SCAPER: variants seen among roughly 807,000 people sequenced by gnomAD.
SCAPER encodes S-phase cyclin A associated protein in the ER.
A neutral mutation model predicts 182.2 loss-of-function variants in SCAPER; 98 were observed. That is an observed-to-expected ratio of 0.54 (90% CI 0.46 to 0.64). SCAPER has a LOEUF of 0.64. SCAPER is among the 30% of genes least tolerant of loss of function. The pLI is 0.00. For missense variants in SCAPER, 1,432 were observed against 1,690.0 expected (o/e 0.85, Z 2.68); for synonymous variants, 605 against 564.6 (o/e 1.07, Z -1.01).
intron 2 of SCAPER, among the ~76,000 whole-genome samples, chr15:76,869,490 C>T (rs1816460042): frequency 6.6e-6 from 1 of 151,768 alleles, no homozygotes; most frequent in African/African-American, 2.4e-5. Flanking sequence ...TACAAAATGG[C>T]CAACAGATAT....
At chr15:76,580,932 C>T (rs1346497493) in intron 22 of SCAPER, among the ~76,000 whole-genome samples, 2 of 151,536 alleles carry the variant, frequency 1.3e-5, no homozygotes, top group African/African-American at 4.8e-5. Context: ...AGAAAAGGAC[C>T]CAAACAAATA....
intron 22 of SCAPER, among the ~76,000 whole-genome samples, chr15:76,601,987 A>G (rs939495277): frequency 4.1e-5 from 5 of 121,152 alleles, no homozygotes; most frequent in African/African-American, 1.0e-4. Context: ...CATGAGTTTT[A>G]TATCCTGAGA....
At chr15:76,612,847 C>CA (rs2051123340) in intron 22 of SCAPER, among the ~76,000 whole-genome samples, 2 of 152,172 alleles carry the variant, frequency 1.3e-5, no homozygotes, top group African/African-American at 4.8e-5. Flanking sequence ...CCATACTGCT[C>CA]AAAGCAGTTT....
intron 17 of SCAPER, 79 bp from the exon 18 acceptor site, chr15:76,706,063 CA>C: frequency 9.1e-7 from 1 of 1,103,688 alleles, no homozygotes; most frequent in Non-Finnish European, 1.3e-6. Context: ...ACAATTAGGA[CA>C]CATAGGGTCA....
chr15:76,598,878 A>C (rs1275389068), intron 22 of SCAPER, among the ~76,000 whole-genome samples: 3 of 119,030 alleles, frequency 2.5e-5, no homozygotes, highest in African/African-American at 7.6e-5. Context: ...GCAGCATGGC[A>C]CATGTATACC....
intron 24 of SCAPER, among the ~76,000 whole-genome samples, chr15:76,478,682 C>T (rs940946235): frequency 6.6e-6 from 1 of 152,126 alleles, no homozygotes; most frequent in Non-Finnish European, 1.5e-5. Flanking sequence ...TAAATAAACC[C>T]TCCTTTCTCC....
intron 23 of SCAPER, among the ~76,000 whole-genome samples, chr15:76,538,746 A>T (rs1021784466): frequency 1.4e-4 from 22 of 152,190 alleles, no homozygotes; most frequent in Admixed American, 1.4e-3. Flanking sequence ...AAAAAATAGT[A>T]AAATGCTTTA....
chr15:76,389,173 G>A (rs935117594), intron 27 of SCAPER, among the ~76,000 whole-genome samples: 2 of 152,078 alleles, frequency 1.3e-5, no homozygotes, highest in South Asian at 4.1e-4. Context: ...GTATGTGTAA[G>A]CAATCTAAGA....
At chr15:76,714,577 G>A (rs948892847) in intron 17 of SCAPER, among the ~76,000 whole-genome samples, 3 of 152,010 alleles carry the variant, frequency 2.0e-5, no homozygotes, top group African/African-American at 7.2e-5. Flanking sequence ...AGTAGTAGTA[G>A]TAGTGATTTG....
At position 76,728,743 on chromosome 15, in the gene SCAPER, G is replaced by A; in HGVS notation, c.2023-6C>T. The A allele has an allele frequency of 6.2e-7, 1 of 1,603,260 alleles. No individual in the cohort carries two copies. ...TCTAGAGCTCTCTTGCGTTCCTAAT[G>A]TTAGAAATATTTGTTTCCAATATTA... On this transcript the variant is annotated splice_region_variant and splice_polypyrimidine_tract_variant and intron_variant, in intron 16 of 31. Coordinates refer to ENST00000563290, the MANE Select transcript of SCAPER (RefSeq NM_020843.4).
chr15:76,567,450 A>T (rs1032911811), intron 23 of SCAPER: 10 of 399,218 alleles, frequency 2.5e-5, no homozygotes, highest in Non-Finnish European at 5.1e-5. Context: ...TTAGTAGACA[A>T]CAGCAGACTG....
intron 21 of SCAPER, among the ~76,000 whole-genome samples, chr15:76,649,795 T>C (rs1313681512): frequency 6.6e-6 from 1 of 150,838 alleles, no homozygotes; most frequent in Non-Finnish European, 1.5e-5. Flanking sequence ...AAAATAAAGG[T>C]TAAATAGACG....
chr15:76,768,350 GA>G (rs2063232816), intron 10 of SCAPER, among the ~76,000 whole-genome samples: 1 of 152,142 alleles, frequency 6.6e-6, no homozygotes, highest in Non-Finnish European at 1.5e-5. Flanking sequence ...TCATTCAGTG[GA>G]CTATACTATT....
At chr15:76,866,152 AG>A (rs1179123100) in intron 2 of SCAPER, among the ~76,000 whole-genome samples, 2 of 152,184 alleles carry the variant, frequency 1.3e-5, no homozygotes, top group Non-Finnish European at 2.9e-5. Context: ...CAAATGAACA[AG>A]TATAAATAGA....
Position 76,811,505 on chromosome 15 carries a change from T to C in SCAPER, c.394-6872A>G, listed in dbSNP as rs373404992. On this transcript the variant is annotated intron_variant, in intron 5 of 31. Coordinates refer to ENST00000563290, the MANE Select transcript of SCAPER (RefSeq NM_020843.4). ...GCAGCAAAGCAGTATAAAAAGGAGG[T>C]TTGGGCCAGGCGCGGTGGCTCATGC... Among the ~76,000 whole-genome samples the C allele has an allele frequency of 1.6e-4, 24 of 151,942 alleles. No individual in the cohort carries two copies. The East Asian group carries it at 3.9e-3, about 24-fold the overall frequency.
chr15:76,549,326 T>C (rs1009522908), intron 23 of SCAPER, among the ~76,000 whole-genome samples: 2 of 152,150 alleles, frequency 1.3e-5, no homozygotes, highest in African/African-American at 2.4e-5. Flanking sequence ...ATTGCGGCAC[T>C]ATTCACAACA....
chr15:76,715,056 G>A (rs1398001643), intron 17 of SCAPER, among the ~76,000 whole-genome samples: 1 of 152,094 alleles, frequency 6.6e-6, no homozygotes, highest in East Asian at 1.9e-4. Flanking sequence ...AGCTACTACA[G>A]AGGTGTTGAA....
intron 2 of SCAPER, among the ~76,000 whole-genome samples, chr15:76,878,316 G>T (rs1158184063): frequency 6.6e-6 from 1 of 152,052 alleles, no homozygotes; most frequent in Admixed American, 6.6e-5. Flanking sequence ...CTGGCAAAAG[G>T]ATATATGAGA....
At chr15:76,605,689 C>T (rs957012317) in intron 22 of SCAPER, among the ~76,000 whole-genome samples, 6 of 152,172 alleles carry the variant, frequency 3.9e-5, no homozygotes, top group Non-Finnish European at 7.4e-5. Flanking sequence ...TAATTATTGC[C>T]TCAATTTCAG....
Sources: allele counts gnomAD v4.1 joint callset (sites outside exome capture counted in the v4.1 genomes callset), GRCh38; gene constraint gnomAD v4.1.1; transcripts MANE v1.5; gene names NCBI Gene and HGNC (gene_info 2026-07-23, HGNC 2026-07-21).